DHPS: variants seen among roughly 807,000 people sequenced by gnomAD.
The protein encoded by DHPS is migration-inducing gene 13.
A neutral mutation model predicts 38.7 loss-of-function variants in DHPS; 24 were observed. The observed-to-expected ratio is 0.62, with a 90% confidence interval of 0.45 to 0.87. The LOEUF is 0.87. DHPS is among the 40% of genes least tolerant of loss of function. The pLI is 0.00. For synonymous variants in DHPS, 250 were observed against 204.4 expected, an observed-to-expected ratio of 1.22 and a Z score of -1.90; for missense variants, 510 against 497.6, an observed-to-expected ratio of 1.02 and a Z score of -0.24.
chr19:12,678,501 G>A (rs2024689733), intron 5 of DHPS, among the ~76,000 whole-genome samples: 1 of 151,824 alleles, frequency 6.6e-6, no homozygotes, highest in South Asian at 2.1e-4. Flanking sequence ...TGGGTGTGGT[G>A]GCTCACCCCT....
chr19:12,679,355 G>A, intron 5 of DHPS, 102 bp downstream of exon 5: 2 of 1,137,228 alleles, frequency 1.8e-6, no homozygotes. Flanking sequence ...CTAAGAGTGA[G>A]GATGCTGAGA....
downstream of DHPS, chr19:12,675,403 A>C: frequency 1.4e-6 from 2 of 1,404,718 alleles, no homozygotes; most frequent in Middle Eastern, 5.2e-4. Flanking sequence ...CAGGTGGCTG[A>C]AGGTCGGGGA....
At chr19:12,673,137 G>A (rs368361960), downstream of DHPS, 20 of 1,611,860 alleles carry the variant, frequency 1.2e-5, no homozygotes, top group Non-Finnish European at 1.6e-5. Context: ...GTGGTCGTGG[G>A]GATCCCCTTC....
downstream of DHPS, chr19:12,673,460 C>G (rs2024482677): frequency 1.6e-6 from 1 of 623,224 alleles, no homozygotes; most frequent in Non-Finnish European, 2.7e-6. Flanking sequence ...CTCTGTCGCC[C>G]AGGCTAGAGT....
intron 5 of DHPS, 24 bp from the exon 6 acceptor site, chr19:12,677,420 T>C: frequency 6.2e-7 from 1 of 1,601,260 alleles, no homozygotes. Flanking sequence ...GACAGGACAG[T>C]GGCTGGAGCT....
chr19:12,680,237 A>C lies in DHPS; in HGVS notation c.296T>G (p.Ile99Ser). The change falls in exon 2 of 9, where the codon ATT becomes AGT. Residue 99 changes from isoleucine (I) to serine (S), a missense_variant. Physicochemically the swap from Ile to Ser is moderately radical, Grantham distance 142 (BLOSUM62 -2). Coordinates refer to ENST00000210060, the MANE Select transcript of DHPS (RefSeq NM_001930.4). The part of the protein sequence containing the change: ...QSRRPLTSCT[I>S]FLGYTSNLIS... ...GAGGTTGGATGTATATCCCAGGAAAATGGTGCAGCTGGTAAGTGGGCGGCG... is the reference window on the plus strand; with the variant it reads ...GAGGTTGGATGTATATCCCAGGAAACTGGTGCAGCTGGTAAGTGGGCGGCG... The C allele has an allele frequency of 6.2e-7, 1 of 1,614,108 alleles. No homozygotes were observed. The highest frequency in any genetic ancestry group is 8.5e-7 in the Non-Finnish European group (1 of 1,180,016).
chr19:12,678,292 G>T (rs2024683537), intron 5 of DHPS, among the ~76,000 whole-genome samples: 1 of 151,766 alleles, frequency 6.6e-6, no homozygotes, highest in African/African-American at 2.4e-5. Context: ...GTGCAACATG[G>T]TGAGTTCCCA....
Position 12,679,560 on chromosome 19 carries a change from C to A in DHPS, c.592-17G>T. ...CTTTACACCCTAGGAGAGGATGTGA[C>A]CTTCAGGCCATGCCTCCCCTGACTC... On this transcript the variant is annotated splice_polypyrimidine_tract_variant and intron_variant, in intron 4 of 8. Coordinates refer to ENST00000210060, the MANE Select transcript of DHPS (RefSeq NM_001930.4). 2 of 1,614,098 alleles carry A rather than the reference C, an allele frequency of 1.2e-6. No homozygotes were observed. The highest frequency in any genetic ancestry group is 1.7e-6 in the Non-Finnish European group (2 of 1,179,962).
intron 1 of DHPS, among the ~76,000 whole-genome samples, chr19:12,680,816 G>C (rs1004024465): frequency 6.8e-6 from 1 of 146,302 alleles, no homozygotes; most frequent in Non-Finnish European, 1.5e-5. Context: ...TTACAGGCAT[G>C]AGCCACCGTG....
chr19:12,677,361 G>A lies in DHPS; in HGVS notation c.714C>T (p.Asp238=), dbSNP rs773694823. 5.2e-5 allele frequency: 84 copies of A among 1,614,034 alleles called. No individual in the cohort carries two copies. Among genetic ancestry groups the A allele is most frequent in the Non-Finnish European group, 6.6e-5 (78 of 1,180,016 alleles). Residue 238 remains aspartate, a synonymous_variant, in exon 6 of 9, where the codon GAC becomes GAT. Coordinates refer to ENST00000210060, the MANE Select transcript of DHPS (RefSeq NM_001930.4). ...HIPVFSPALT[D]GSLGDMIFFH... ...AGAAGATCATGTCGCCCAGCGAGCCGTCTGTAAGTGCGGGACTAAACACAG... is the reference window on the plus strand; with the variant it reads ...AGAAGATCATGTCGCCCAGCGAGCCATCTGTAAGTGCGGGACTAAACACAG...
At chr19:12,679,426 C>G in intron 5 of DHPS, 31 bp downstream of exon 5, 2 of 1,597,284 alleles carry the variant, frequency 1.3e-6, no homozygotes, top group Non-Finnish European at 1.7e-6. Flanking sequence ...ATGCCAAAGT[C>G]TGGCTACTTT....
chr19:12,676,724 G>A, intron 7 of DHPS: 3 of 284,902 alleles, frequency 1.1e-5, no homozygotes, highest in Non-Finnish European at 2.1e-5. Context: ...CTTTGCAATG[G>A]CTGTTCCCTC....
chr19:12,672,828 G>C, downstream of DHPS: 1 of 1,568,000 alleles, frequency 6.4e-7, no homozygotes, highest in Non-Finnish European at 8.6e-7. Context: ...GTTCCCGCTG[G>C]ATCTACCCTC....
In DHPS at chr19:12,679,716, G is replaced by C; in HGVS notation, c.498C>G (p.Ile166Met). The change falls in exon 4 of 9, where the codon ATC (isoleucine) becomes ATG (methionine). Residue 166 changes from isoleucine (I) to methionine (M), a missense_variant. By Grantham distance (10) the Ile-to-Met change is conservative. Coordinates refer to ENST00000210060, the MANE Select transcript of DHPS (RefSeq NM_001930.4). ...KELRENGINRIGNLLVPNENY... is the reference protein window; with the variant it reads ...KELRENGINRMGNLLVPNENY... ...TCTCATTGGGCACCAGCAGGTTTCC[G>C]ATCCTGAGAACAGGAGGCATGTAGG... 1.2e-6 allele frequency: 2 copies of C among 1,614,110 alleles called. No individual in the cohort carries two copies. Among genetic ancestry groups the C allele is most frequent in the South Asian group, 1.1e-5 (1 of 91,072 alleles).
At chr19:12,678,360 A>T in intron 5 of DHPS, among the ~76,000 whole-genome samples, 1 of 152,044 alleles carries the variant, frequency 6.6e-6, no homozygotes, top group East Asian at 1.9e-4. Context: ...CCAGCTACTC[A>T]GCAGGCTGAG....
In DHPS at chr19:12,676,022, C is replaced by T. The variant is rs202112377; in HGVS notation, c.1009G>A (p.Val337Ile). Residue 337 changes from valine (V) to isoleucine (I), a missense_variant, in exon 8 of 9, where the codon GTC becomes ATC. Val to Ile is a conservative substitution (Grantham distance 29, BLOSUM62 3). Transcript: ENST00000210060. ...CCCACCCAGCCAGCGCTTACCTTGACGGGCTGTGCATCCACCCGGATCTTG... is the reference window on the plus strand; with the variant it reads ...CCCACCCAGCCAGCGCTTACCTTGATGGGCTGTGCATCCACCCGGATCTTG... ...WGKIRVDAQP[V>I]KVYADASLVF... 3.3e-4 allele frequency: 525 copies of T among 1,613,748 alleles called. 1 individual carries two copies. The highest frequency in any genetic ancestry group is 2.6e-4 in the Non-Finnish European group (309 of 1,179,776).
downstream of DHPS, among the ~76,000 whole-genome samples, chr19:12,674,713 T>C (rs114553707): frequency 0.035 from 5,342 of 152,192 alleles, 318 homozygotes; most frequent in African/African-American, 0.12. Context: ...AGGCAAGCTG[T>C]GAGCAAGGCA....
chr19:12,677,252 G>C lies in DHPS; in HGVS notation c.784+39C>G, dbSNP rs974776882. Reference sequence around the variant, plus strand: ...CGAAGTCAGGCCTTGGACTCAGCCAGCCCTCCTTCCCCTCTCCTCTGTGGC... The same window carrying C: ...CGAAGTCAGGCCTTGGACTCAGCCACCCCTCCTTCCCCTCTCCTCTGTGGC... On this transcript the variant is annotated intron_variant, in intron 6 of 8. Transcript: ENST00000210060. 8 of 1,613,718 alleles carry C rather than the reference G, an allele frequency of 5.0e-6. No individual in the cohort carries two copies. In the African/African-American group the frequency reaches 8.0e-5, roughly 16 times the overall value.
At position 12,681,656 on chromosome 19, in the gene DHPS, G is replaced by T. The variant is rs2024819630; in HGVS notation, c.111C>A (p.Asn37Lys). ...ESTQVRGYDF[N>K]RGVNYRALLE... is the part of the protein sequence containing the mutation. ...GCAGTGCGCGGTAATTCACACCGCG[G>T]TTGAAGTCGTAGCCCCGGACCTGGG... The change falls in exon 1 of 9, where the codon AAC becomes AAA. Residue 37 changes from asparagine (N) to lysine (K), a missense_variant. By Grantham distance (94) the Asn-to-Lys change is moderately conservative. Transcript: ENST00000210060. The T allele has an allele frequency of 6.2e-7, 1 of 1,614,116 alleles. No homozygotes were observed. The highest frequency in any genetic ancestry group is 8.5e-7 in the Non-Finnish European group (1 of 1,180,058).
Sources: gnomAD v4.1 joint callset for allele counts (sites outside exome capture counted in the v4.1 genomes callset) on GRCh38, gnomAD v4.1.1 for gene constraint, MANE v1.5 for transcripts, NCBI Gene and HGNC (gene_info 2026-07-23, HGNC 2026-07-21) for gene names.